The following GALNTL6 variants were observed in gnomAD, a reference collection of about 807,000 sequenced individuals.
The protein encoded by GALNTL6 is polypeptide N-acetylgalactosaminyltransferase like 6, also known as polypeptide N-acetylgalactosaminyltransferase-like 6.
Under a neutral mutation model 73.7 loss-of-function variants are expected in GALNTL6, and 46 were observed. The ratio of observed to expected loss-of-function variants is 0.62; its 90% CI spans 0.49 to 0.80. GALNTL6 has a LOEUF of 0.80. Among genes scored for constraint, GALNTL6 ranks in the 30% least tolerant of loss-of-function variants. GALNTL6 has a pLI of 0.00. For synonymous variants in GALNTL6, 259 were observed against 263.7 expected, an observed-to-expected ratio of 0.98 and a Z score of 0.17; for missense variants, 604 against 755.0, an observed-to-expected ratio of 0.80 and a Z score of 2.34.
chr4:172,400,624 G>A (rs769399234), intron 5 of GALNTL6, among the ~76,000 whole-genome samples: 7 of 152,224 alleles, frequency 4.6e-5, no homozygotes, highest in Non-Finnish European at 8.8e-5. Context: ...AAGGTGATGC[G>A]TGTGGCAGGT....
At chr4:172,637,280 A>G (rs1016544438) in intron 5 of GALNTL6, among the ~76,000 whole-genome samples, 1 of 152,202 alleles carries the variant, frequency 6.6e-6, no homozygotes, top group African/African-American at 2.4e-5. Flanking sequence ...CAATGTTTAG[A>G]AACTGTAAAA....
At chr4:172,606,587 TATATACAC>T in intron 5 of GALNTL6, among the ~76,000 whole-genome samples, 4 of 138,874 alleles carry the variant, frequency 2.9e-5, no homozygotes, top group African/African-American at 8.1e-5. Flanking sequence ...TATATGTATA[TATATACAC>T]ATATATACAT....
At chr4:172,566,279 A>G (rs1306037853) in intron 5 of GALNTL6, among the ~76,000 whole-genome samples, 2 of 152,162 alleles carry the variant, frequency 1.3e-5, no homozygotes, top group Non-Finnish European at 2.9e-5. Flanking sequence ...TCCAAGATAG[A>G]TATTCTCTTA....
chr4:172,318,105 C>T (rs1344812020), intron 4 of GALNTL6, among the ~76,000 whole-genome samples: 2 of 152,188 alleles, frequency 1.3e-5, no homozygotes, highest in Non-Finnish European at 2.9e-5. Context: ...TCTCTCAAAA[C>T]TGTTATTTAA....
intron 4 of GALNTL6, among the ~76,000 whole-genome samples, chr4:172,322,211 G>A (rs1740784252): frequency 6.6e-6 from 1 of 152,144 alleles, no homozygotes; most frequent in South Asian, 2.1e-4. Flanking sequence ...CTCAAGTCAT[G>A]CACTTGGCCG....
chr4:172,644,440 C>T (rs1047982030), intron 5 of GALNTL6, among the ~76,000 whole-genome samples: 1 of 151,906 alleles, frequency 6.6e-6, no homozygotes, highest in African/African-American at 2.4e-5. Flanking sequence ...TGACTTTTCC[C>T]ATTGTAAATT....
intron 5 of GALNTL6, among the ~76,000 whole-genome samples, chr4:172,804,843 A>G (rs1740860206): frequency 6.6e-6 from 1 of 152,206 alleles, no homozygotes; most frequent in South Asian, 2.1e-4. Flanking sequence ...GATCAGATGG[A>G]TCCCATAGTG....
At chr4:171,910,949 C>A (rs999335603) in intron 2 of GALNTL6, among the ~76,000 whole-genome samples, 5 of 152,032 alleles carry the variant, frequency 3.3e-5, no homozygotes, top group Non-Finnish European at 7.4e-5. Context: ...TGCACTTGGA[C>A]ATTCTTCTAG....
At chr4:172,372,982 G>A (rs918025510) in intron 5 of GALNTL6, among the ~76,000 whole-genome samples, 4 of 152,052 alleles carry the variant, frequency 2.6e-5, no homozygotes, top group South Asian at 2.1e-4. Flanking sequence ...CTGGGCTTTC[G>A]ACCTACACAC....
chr4:172,197,880 C>T (rs776055203), intron 2 of GALNTL6, among the ~76,000 whole-genome samples: 82 of 152,140 alleles, frequency 5.4e-4, no homozygotes, highest in African/African-American at 2.2e-4. Flanking sequence ...AAGGCCAGAG[C>T]GGGCAGATCA....
At chr4:171,847,170 A>C (rs78179426) in intron 2 of GALNTL6, among the ~76,000 whole-genome samples, 1 of 151,940 alleles carries the variant, frequency 6.6e-6, no homozygotes, top group Non-Finnish European at 1.5e-5. Flanking sequence ...GATATTGCAG[A>C]TTTGGTTCCA....
At chr4:172,171,608 C>T (rs1246572904) in intron 2 of GALNTL6, among the ~76,000 whole-genome samples, 1 of 149,748 alleles carries the variant, frequency 6.7e-6, no homozygotes, top group African/African-American at 2.5e-5. Flanking sequence ...GCAGGGGGAT[C>T]GGTTGAGCTC....
intron 3 of GALNTL6, among the ~76,000 whole-genome samples, chr4:172,232,587 A>G (rs1249750402): frequency 4.0e-5 from 6 of 151,728 alleles, no homozygotes; most frequent in Admixed American, 3.9e-4. Context: ...GCACAGTTGA[A>G]CTTTATTAGG....
chr4:172,231,148 G>A (rs1227211157), intron 3 of GALNTL6, among the ~76,000 whole-genome samples: 1 of 152,054 alleles, frequency 6.6e-6, no homozygotes, highest in Non-Finnish European at 1.5e-5. Flanking sequence ...TTCCTTACCA[G>A]CATCCTCACT....
chr4:172,176,346 A>AAAAAAAAAAAAAAAAAAAAAAAG lies in GALNTL6; in HGVS notation c.139-53300_139-53299insAAAAAAAAAAAAGAAAAAAAAAA, dbSNP rs1463765997. 8.9e-4 allele frequency among the ~76,000 whole-genome samples: 132 copies of AAAAAAAAAAAAAAAAAAAAAAAG among 147,872 alleles called. 5 individuals carry two copies. The highest frequency in any genetic ancestry group is 1.6e-3 in the Non-Finnish European group (109 of 66,338). ...CAGCGAGACTCCGTCTCAAAAAAAA[A>AAAAAAAAAAAAAAAAAAAAAAAG]AAAAAAAAAAGAGTGTATTCAGCAT... On this transcript the variant is annotated intron_variant, in intron 2 of 12. Coordinates refer to ENST00000506823, the MANE Select transcript of GALNTL6 (RefSeq NM_001034845.3).
intron 2 of GALNTL6, among the ~76,000 whole-genome samples, chr4:172,031,665 TTCGA>T (rs1741775045): frequency 6.6e-6 from 1 of 151,972 alleles, no homozygotes; most frequent in South Asian, 2.1e-4. Flanking sequence ...ATCTCTGCCA[TTCGA>T]TAGGCAGCCA....
At chr4:172,470,280 A>G (rs756554903) in intron 5 of GALNTL6, among the ~76,000 whole-genome samples, 2 of 152,200 alleles carry the variant, frequency 1.3e-5, no homozygotes, top group Non-Finnish European at 2.9e-5. Flanking sequence ...AGTAATATCT[A>G]TATTCAAAAC....
chr4:172,915,650 G>T lies in GALNTL6; in HGVS notation c.1042-15511G>T, dbSNP rs188068823. Among the ~76,000 whole-genome samples, 19 of 152,310 alleles carry T rather than the reference G, an allele frequency of 1.2e-4. No homozygotes were observed. The East Asian group carries it at 3.7e-3, about 29-fold the overall frequency. ...CGCAAATAAACTAGAATATCTAGAA[G>T]AAATGGATAAATTCCGGGACACATA... On this transcript the variant is annotated intron_variant, in intron 8 of 12. Coordinates refer to ENST00000506823, the MANE Select transcript of GALNTL6 (RefSeq NM_001034845.3).
chr4:172,734,760 G>A (rs1736357046), intron 5 of GALNTL6, among the ~76,000 whole-genome samples: 1 of 152,040 alleles, frequency 6.6e-6, no homozygotes, highest in Non-Finnish European at 1.5e-5. Context: ...TGGTTTCCTG[G>A]GCCAGGTCCA....
Sources: gnomAD v4.1 joint callset for allele counts (sites outside exome capture counted in the v4.1 genomes callset) on GRCh38, gnomAD v4.1.1 for gene constraint, MANE v1.5 for transcripts, NCBI Gene and HGNC (gene_info 2026-07-23, HGNC 2026-07-21) for gene names.